ZNF362: variants seen among roughly 807,000 people sequenced by gnomAD.
ZNF362 encodes the protein rotund homolog.
ZNF362 carries 11 observed loss-of-function variants against 42.9 expected under a neutral mutation model. That is an observed-to-expected ratio of 0.26 (90% CI 0.16 to 0.42). ZNF362 has a LOEUF of 0.42. Among genes scored for constraint, ZNF362 ranks in the 20% least tolerant of loss-of-function variants. ZNF362 has a pLI of 1.00. For missense variants in ZNF362, 362 were observed against 576.2 expected, an observed-to-expected ratio of 0.63 and a Z score of 3.81; for synonymous variants, 255 against 257.3, an observed-to-expected ratio of 0.99 and a Z score of 0.09.
chr1:33,292,653 C>T (rs1000781381), intron 6 of ZNF362, among the ~76,000 whole-genome samples: 2 of 152,172 alleles, frequency 1.3e-5, no homozygotes, highest in African/African-American at 4.8e-5. Flanking sequence ...GGTACCAGCT[C>T]CTCCTTGTAC....
chr1:33,136,113 CCCTTCCTTCCTTCCTTCCTTCCTT>C, the ZNF362 span, among the ~76,000 whole-genome samples: 27 of 103,570 alleles, frequency 2.6e-4, no homozygotes, highest in South Asian at 8.0e-4. Flanking sequence ...CAGGGGCCAG[CCCTTCCTTCCTTCCTTCCTTCCTT>C]CCTTCCTTCC....
chr1:33,272,241 G>T (rs1336748059), intron 2 of ZNF362, among the ~76,000 whole-genome samples: 1 of 152,234 alleles, frequency 6.6e-6, no homozygotes, highest in Non-Finnish European at 1.5e-5. Flanking sequence ...CCACGGTGGT[G>T]TGTGGTTGGC....
chr1:33,138,043 A>G, the ZNF362 span, among the ~76,000 whole-genome samples: 2 of 152,088 alleles, frequency 1.3e-5, no homozygotes, highest in Non-Finnish European at 2.9e-5. Flanking sequence ...CTGCATAACC[A>G]TCAGTGGGGT....
the ZNF362 span, among the ~76,000 whole-genome samples, chr1:33,149,909 G>A: frequency 1.3e-5 from 2 of 152,188 alleles, no homozygotes; most frequent in African/African-American, 2.4e-5. Flanking sequence ...CCAGCCCAGG[G>A]CCTGGCTTGT....
At chr1:33,159,766 C>G in the ZNF362 span, 1 of 1,613,660 alleles carries the variant, frequency 6.2e-7, no homozygotes, top group Non-Finnish European at 8.5e-7. The surrounding 1 kb of genome is among the most constrained non-coding windows in gnomAD (Gnocchi z 4.2). Context: ...GATCTGGGCT[C>G]CCTCCTGGAC....
At chr1:33,291,081 T>G (rs2148131277) in intron 6 of ZNF362, among the ~76,000 whole-genome samples, 1 of 152,394 alleles carries the variant, frequency 6.6e-6, no homozygotes, top group South Asian at 2.1e-4. Flanking sequence ...GGGTCCCGTT[T>G]GTCAATTTTG....
intron 1 of ZNF362, among the ~76,000 whole-genome samples, chr1:33,263,550 A>ACAGGCGTG (rs1645844078): frequency 6.6e-6 from 1 of 152,018 alleles, no homozygotes; most frequent in Non-Finnish European, 1.5e-5. Context: ...AGCTGGGATT[A>ACAGGCGTG]CAGGCGTGTG....
the ZNF362 span, among the ~76,000 whole-genome samples, chr1:33,132,674 T>C: frequency 6.6e-6 from 1 of 152,238 alleles, no homozygotes; most frequent in Non-Finnish European, 1.5e-5. Context: ...GTCATTGTTC[T>C]TTTCTAACCA....
intron 1 of ZNF362, among the ~76,000 whole-genome samples, chr1:33,259,632 A>G (rs538455740): frequency 6.1e-4 from 93 of 152,322 alleles, no homozygotes; most frequent in African/African-American, 2.0e-3. Flanking sequence ...CTGTCCTTCT[A>G]TGCAATCCTT....
At chr1:33,128,369 C>A in the ZNF362 span, among the ~76,000 whole-genome samples, 1 of 152,104 alleles carries the variant, frequency 6.6e-6, no homozygotes, top group Admixed American at 6.6e-5. Context: ...AGAGTGAGAC[C>A]TCGTCTCCAA....
chr1:33,235,096 G>A, the ZNF362 span, among the ~76,000 whole-genome samples: 9 of 152,172 alleles, frequency 5.9e-5, no homozygotes, highest in South Asian at 4.1e-4. Context: ...AGTTTAATTC[G>A]TAGGAAATGT....
At chr1:33,189,989 G>A in the ZNF362 span, among the ~76,000 whole-genome samples, 2 of 151,816 alleles carry the variant, frequency 1.3e-5, no homozygotes, top group Non-Finnish European at 2.9e-5. Flanking sequence ...GGGCTATAGT[G>A]GCAATTTGGA....
the ZNF362 span, among the ~76,000 whole-genome samples, chr1:33,187,413 T>C: frequency 1.3e-5 from 2 of 152,184 alleles, no homozygotes; most frequent in African/African-American, 4.8e-5. Context: ...CTGTCACTGC[T>C]TCTTTGGGTG....
In ZNF362 at chr1:33,294,476, A is replaced by G. The variant is rs917280244; in HGVS notation, c.909-461A>G. Among the ~76,000 whole-genome samples the G allele has an allele frequency of 2.0e-5, 3 of 152,178 alleles. No individual in the cohort carries two copies. The highest frequency in any genetic ancestry group is 2.9e-5 in the Non-Finnish European group (2 of 68,020). ...CACGGAGATGTGCCTGACATGGGGT[A>G]GGGACAGGAAATAAGTGTCTGGGGC... On this transcript the variant is annotated intron_variant, in intron 6 of 8. Transcript: ENST00000539719. This position sits in a 1 kb window ranked among gnomAD's most constrained non-coding sequence, Gnocchi z 4.2.
rs1278389993 is a variant in ZNF362, at chr1:33,280,865, T to C, written c.683+408T>C. Among the ~76,000 whole-genome samples, 1 of 152,176 alleles carries C rather than the reference T, an allele frequency of 6.6e-6. No individual in the cohort carries two copies. Among genetic ancestry groups the C allele is most frequent in the Non-Finnish European group, 1.5e-5 (1 of 68,024 alleles). On this transcript the variant is annotated intron_variant, in intron 5 of 8. Transcript: ENST00000539719. The surrounding 1 kb of genome is among the most constrained non-coding windows in gnomAD (Gnocchi z 5.6). ...GGGTGGATCACCTGCGGTCAGGAGTTTGAGACCAGCCTGGCCAGCATGGTG... is the reference window on the plus strand; with the variant it reads ...GGGTGGATCACCTGCGGTCAGGAGTCTGAGACCAGCCTGGCCAGCATGGTG...
chr1:33,284,370 T>C (rs1193650738), intron 6 of ZNF362, among the ~76,000 whole-genome samples: 3 of 152,236 alleles, frequency 2.0e-5, no homozygotes, highest in Non-Finnish European at 4.4e-5. Context: ...TGGTTACAAA[T>C]TTGATTTACC....
At chr1:33,291,622 T>C (rs906362723) in intron 6 of ZNF362, among the ~76,000 whole-genome samples, 2 of 152,188 alleles carry the variant, frequency 1.3e-5, no homozygotes, top group African/African-American at 4.8e-5. Context: ...GTAGCTTGAT[T>C]GGGATGACAT....
the ZNF362 span, among the ~76,000 whole-genome samples, chr1:33,208,437 T>C: frequency 6.6e-6 from 1 of 152,194 alleles, no homozygotes; most frequent in Non-Finnish European, 1.5e-5. Flanking sequence ...CATATGAAAT[T>C]TAAAGTCGTT....
chr1:33,169,582 G>A, the ZNF362 span, among the ~76,000 whole-genome samples: 484 of 152,320 alleles, frequency 3.2e-3, 17 homozygotes, highest in East Asian at 0.083. Flanking sequence ...TGTCTGGGAA[G>A]AAAGGCACAA....
Sources: allele counts gnomAD v4.1 joint callset (sites outside exome capture counted in the v4.1 genomes callset), GRCh38; gene constraint gnomAD v4.1.1; non-coding constraint Gnocchi (gnomAD v3.1); transcripts MANE v1.5; gene names NCBI Gene and HGNC (gene_info 2026-07-23, HGNC 2026-07-21).